Variants in CFAP299 observed in about 807,000 individuals in gnomAD.
CFAP299 encodes the protein cilia- and flagella-associated protein 299.
In CFAP299, 21 loss-of-function variants were observed where a neutral mutation model predicts 27.0. The ratio of observed to expected loss-of-function variants is 0.78; its 90% CI spans 0.55 to 1.12. CFAP299 has a LOEUF of 1.12. Ranked by LOEUF, CFAP299 falls within the 50% of genes most tolerant of loss-of-function variation. The pLI is 0.00. For synonymous variants in CFAP299, 104 were observed against 98.1 expected, an observed-to-expected ratio of 1.06 and a Z score of -0.36; for missense variants, 310 against 276.6, an observed-to-expected ratio of 1.12 and a Z score of -0.86.
At chr4:80,423,597 C>T (rs1004293858) in intron 2 of CFAP299, among the ~76,000 whole-genome samples, 2 of 152,164 alleles carry the variant, frequency 1.3e-5, no homozygotes, top group African/African-American at 4.8e-5. Flanking sequence ...ATGCATGGAG[C>T]TAAACAGATG....
intron 3 of CFAP299, among the ~76,000 whole-genome samples, chr4:80,811,145 C>A (rs1452916853): frequency 6.6e-6 from 1 of 152,030 alleles, no homozygotes; most frequent in African/African-American, 2.4e-5. Context: ...ATCACAACAA[C>A]CTTTTACCAA....
rs1469318422 is a variant in CFAP299 at position 80,799,930 on chromosome 4, A to T, written c.334-70063A>T. 2.5e-4 allele frequency among the ~76,000 whole-genome samples: 12 copies of T among 48,978 alleles called. 1 individual carries two copies. Among genetic ancestry groups the T allele is most frequent in the African/African-American group, 1.0e-3 (12 of 11,558 alleles). 32.1% of individuals were successfully genotyped at this position (48,978 alleles called of 152,430 possible). The stretch of plus-strand genomic sequence containing the variant: ...AATATAATATATAATATATATATTT[A>T]TATATTATATTATATAAATATTATA... On this transcript the variant is annotated intron_variant, in intron 3 of 5. Coordinates refer to ENST00000358105, the MANE Select transcript of CFAP299 (RefSeq NM_152770.3).
chr4:80,871,514 T>G (rs12233757), intron 4 of CFAP299: 148,696 of 985,078 alleles, frequency 0.15, 15,798 homozygotes, highest in African/African-American at 0.52. Flanking sequence ...CAAAATTAAA[T>G]TCATTTTAAT....
At chr4:80,678,782 G>T (rs2110002409) in intron 3 of CFAP299, among the ~76,000 whole-genome samples, 1 of 152,002 alleles carries the variant, frequency 6.6e-6, no homozygotes, top group Non-Finnish European at 1.5e-5. Context: ...AGAGAAAGTT[G>T]CAAAAATAGT....
At chr4:80,475,782 A>C (rs898781398) in intron 2 of CFAP299, among the ~76,000 whole-genome samples, 1 of 152,172 alleles carries the variant, frequency 6.6e-6, no homozygotes, top group Non-Finnish European at 1.5e-5. Context: ...CTATGAAACT[A>C]ATTAAGAACC....
chr4:80,774,973 T>C (rs1451405639), intron 3 of CFAP299, among the ~76,000 whole-genome samples: 1 of 151,786 alleles, frequency 6.6e-6, no homozygotes, highest in African/African-American at 2.4e-5. Flanking sequence ...AGTTAGTGGG[T>C]GCAGCGCACC....
intron 4 of CFAP299, among the ~76,000 whole-genome samples, chr4:80,935,616 G>T (rs1736850173): frequency 1.3e-5 from 2 of 151,974 alleles, no homozygotes; most frequent in Non-Finnish European, 2.9e-5. Context: ...TAAAATCCTG[G>T]AAGACAAGCT....
chr4:80,688,613 G>T (rs1258536911), intron 3 of CFAP299, among the ~76,000 whole-genome samples: 1 of 152,172 alleles, frequency 6.6e-6, no homozygotes, highest in South Asian at 2.1e-4. Context: ...CAGAAAAACT[G>T]GAAACTCTAA....
chr4:80,755,480 A>T (rs1725185921), intron 3 of CFAP299, among the ~76,000 whole-genome samples: 1 of 152,102 alleles, frequency 6.6e-6, no homozygotes, highest in Non-Finnish European at 1.5e-5. Context: ...AGTCATGTAG[A>T]ACAAATGCAT....
chr4:80,580,081 C>G (rs890912125), intron 2 of CFAP299, among the ~76,000 whole-genome samples: 3 of 151,978 alleles, frequency 2.0e-5, no homozygotes, highest in Non-Finnish European at 4.4e-5. Flanking sequence ...CAACAGAAAC[C>G]AATTCTAATG....
At chr4:80,628,070 C>A (rs1739003775) in intron 3 of CFAP299, among the ~76,000 whole-genome samples, 1 of 152,052 alleles carries the variant, frequency 6.6e-6, no homozygotes, top group East Asian at 1.9e-4. Flanking sequence ...CATTACACTA[C>A]CTGACTTCAA....
chr4:80,863,270 A>G (rs1732496081), intron 3 of CFAP299, among the ~76,000 whole-genome samples: 1 of 145,094 alleles, frequency 6.9e-6, no homozygotes, highest in Non-Finnish European at 1.5e-5. Context: ...TATCAGTTTT[A>G]TGTCCCCTCA....
Position 80,870,179 on chromosome 4 carries a change from G to T in CFAP299, c.476+44G>T, listed in dbSNP as rs374154367. The T allele has an allele frequency of 7.5e-5, 116 of 1,549,266 alleles. 1 individual carries two copies. In the South Asian group the frequency reaches 1.3e-3, roughly 17 times the overall value. On this transcript the variant is annotated intron_variant, in intron 4 of 5. Transcript: ENST00000358105. ...TTGCACCCTTAGAGGCAGGGACAAA[G>T]ACTTTTTATTTTATGGTCTACATTG... is the stretch of plus-strand genomic sequence containing the variant.
intron 4 of CFAP299, among the ~76,000 whole-genome samples, chr4:80,873,616 A>G (rs1305791386): frequency 6.6e-6 from 1 of 152,224 alleles, no homozygotes; most frequent in Admixed American, 6.5e-5. Flanking sequence ...ACTAAAGTTC[A>G]TAAGTGAAAC....
intron 3 of CFAP299, among the ~76,000 whole-genome samples, chr4:80,646,678 T>C (rs1057350406): frequency 5.3e-5 from 8 of 152,192 alleles, no homozygotes; most frequent in Admixed American, 5.2e-4. Context: ...GAAACCATTG[T>C]CTTCTCTCAA....
chr4:80,763,056 A>G (rs1042169702), intron 3 of CFAP299, among the ~76,000 whole-genome samples: 1 of 152,148 alleles, frequency 6.6e-6, no homozygotes, highest in Non-Finnish European at 1.5e-5. Flanking sequence ...AACTCAGTCT[A>G]TGATATGTAC....
intron 3 of CFAP299, among the ~76,000 whole-genome samples, chr4:80,584,755 AT>A (rs1397798056): frequency 1.3e-5 from 2 of 151,850 alleles, no homozygotes; most frequent in South Asian, 2.1e-4. Flanking sequence ...AGAAACCTAG[AT>A]TTTTTTTCAT....
At chr4:80,817,869 T>C (rs1011768880) in intron 3 of CFAP299, among the ~76,000 whole-genome samples, 1 of 151,992 alleles carries the variant, frequency 6.6e-6, no homozygotes, top group Admixed American at 6.6e-5. Flanking sequence ...CAGAGGTACA[T>C]GTGCAGGATG....
chr4:80,812,243 C>T (rs542928668), intron 3 of CFAP299, among the ~76,000 whole-genome samples: 1 of 152,232 alleles, frequency 6.6e-6, no homozygotes, highest in Non-Finnish European at 1.5e-5. Context: ...TTTTGATCAA[C>T]TCTTATGTGC....
Sources: gnomAD v4.1 joint callset for allele counts (sites outside exome capture counted in the v4.1 genomes callset) on GRCh38, gnomAD v4.1.1 for gene constraint, MANE v1.5 for transcripts, NCBI Gene and HGNC (gene_info 2026-07-23, HGNC 2026-07-21) for gene names.